Variants in NR3C2 observed in about 807,000 individuals in gnomAD.
The protein encoded by NR3C2 is nuclear receptor subfamily 3 group C member 2.
In NR3C2, 15 loss-of-function variants were observed where a neutral mutation model predicts 86.4. The observed-to-expected ratio is 0.17, with a 90% CI of 0.12 to 0.27. NR3C2 has a LOEUF of 0.27. Among genes scored for constraint, NR3C2 ranks in the 10% least tolerant of loss-of-function variants. The pLI, the probability that NR3C2 is intolerant of heterozygous loss-of-function variation, is 1.00. For synonymous variants in NR3C2, 458 were observed against 450.5 expected, an observed-to-expected ratio of 1.02 and a Z score of -0.21; for missense variants, 960 against 1,195.6, an observed-to-expected ratio of 0.80 and a Z score of 2.91.
intron 4 of NR3C2, among the ~76,000 whole-genome samples, chr4:148,160,807 C>T (rs1201875407): frequency 6.6e-6 from 1 of 152,194 alleles, no homozygotes; most frequent in Non-Finnish European, 1.5e-5. Flanking sequence ...CAACTATCTT[C>T]TTTAACAGAC....
chr4:148,435,911 T>C lies in NR3C2; in HGVS notation c.950A>G (p.Asn317Ser). 2 of 1,614,148 alleles carry C rather than the reference T, an allele frequency of 1.2e-6. No homozygotes were observed. Among genetic ancestry groups the C allele is most frequent in the South Asian group, 1.1e-5 (1 of 91,078 alleles). Reference protein sequence around the residue: ...RCSVSSPSNTNNRSTLSSPAA... With the variant: ...RCSVSSPSNTSNRSTLSSPAA... ...CGGACTGGAAAGCGTGGATCTGTTA[T>C]TAGTGTTCGAAGGGCTGGAAACAGA... The change falls in exon 2 of 9, where the codon AAT becomes AGT. Residue 317 changes from asparagine to serine, a missense_variant. Transcript: ENST00000358102.
rs11732130 is a variant in NR3C2, at chr4:148,333,903, G to A, written c.1758-73786C>T. 6.7e-3 allele frequency among the ~76,000 whole-genome samples: 1,025 copies of A among 152,202 alleles called. 5 individuals carry two copies. Among genetic ancestry groups the A allele is most frequent in the Non-Finnish European group, 0.011 (765 of 67,994 alleles). The stretch of plus-strand genomic sequence containing the variant: ...CTAGCTTTTTCTTAAAACTAGCTTG[G>A]AAAGACTGGACAAAAACCATGTTAT... On this transcript the variant is annotated intron_variant, in intron 2 of 8. Transcript: ENST00000358102.
At chr4:148,421,131 C>T (rs749937670) in intron 2 of NR3C2, among the ~76,000 whole-genome samples, 3 of 152,172 alleles carry the variant, frequency 2.0e-5, no homozygotes, top group Non-Finnish European at 4.4e-5. Flanking sequence ...TGACACTATA[C>T]TTATTAGACA....
intron 8 of NR3C2, among the ~76,000 whole-genome samples, chr4:148,087,397 T>C (rs1730864247): frequency 6.6e-6 from 1 of 152,132 alleles, no homozygotes; most frequent in African/African-American, 2.4e-5. Flanking sequence ...AAAAAACTAC[T>C]TCAAATTTCA....
At chr4:148,095,055 G>GT (rs149048881) in intron 8 of NR3C2, among the ~76,000 whole-genome samples, 2,792 of 152,314 alleles carry the variant, frequency 0.018, 96 homozygotes, top group African/African-American at 0.064. Context: ...GGAAGTTAGT[G>GT]TTTAAGGGGC....
chr4:148,147,203 C>T (rs1733910983), intron 6 of NR3C2, among the ~76,000 whole-genome samples: 1 of 152,158 alleles, frequency 6.6e-6, no homozygotes, highest in Admixed American at 6.5e-5. Context: ...TTATTATTCC[C>T]TATTTCCCAC....
chr4:148,188,001 A>G (rs1013021081), intron 4 of NR3C2, among the ~76,000 whole-genome samples: 4 of 151,868 alleles, frequency 2.6e-5, no homozygotes, highest in African/African-American at 9.7e-5. Context: ...GTTTTTGTTT[A>G]TTTGTCAAAG....
chr4:148,371,285 T>G (rs1221134720), intron 2 of NR3C2, among the ~76,000 whole-genome samples: 2 of 145,160 alleles, frequency 1.4e-5, no homozygotes, highest in East Asian at 3.9e-4. Context: ...ATTCATTCTA[T>G]TTTTTTTGTA....
chr4:148,193,413 T>C (rs987328511), intron 4 of NR3C2, among the ~76,000 whole-genome samples: 3 of 152,182 alleles, frequency 2.0e-5, no homozygotes, highest in Non-Finnish European at 4.4e-5. Context: ...GTTCTTGCAG[T>C]GGATCTGGAG....
At chr4:148,391,128 T>C (rs72658607) in intron 2 of NR3C2, among the ~76,000 whole-genome samples, 1 of 152,240 alleles carries the variant, frequency 6.6e-6, no homozygotes, top group South Asian at 2.1e-4. Context: ...TCTGCTTTTA[T>C]TTCTGAAGAC....
chr4:148,108,170 C>T (rs1244087300), intron 8 of NR3C2, among the ~76,000 whole-genome samples: 2 of 152,046 alleles, frequency 1.3e-5, no homozygotes, highest in African/African-American at 4.8e-5. Context: ...GTGGTGCAAT[C>T]TTGTCTCACT....
chr4:148,176,444 C>CA (rs1023978207), intron 4 of NR3C2, among the ~76,000 whole-genome samples: 1 of 152,094 alleles, frequency 6.6e-6, no homozygotes, highest in African/African-American at 2.4e-5. Flanking sequence ...GACAGATGTA[C>CA]AAAGGGAGCA....
At chr4:148,383,952 G>GGAA (rs374003018) in intron 2 of NR3C2, among the ~76,000 whole-genome samples, 9 of 120,202 alleles carry the variant, frequency 7.5e-5, no homozygotes, top group Non-Finnish European at 1.4e-4. Flanking sequence ...TGTCTCAGGG[G>GGAA]AAAAAAAAAA....
chr4:148,323,846 G>T (rs921385305), intron 2 of NR3C2, among the ~76,000 whole-genome samples: 1 of 146,494 alleles, frequency 6.8e-6, no homozygotes, highest in Admixed American at 6.8e-5. Flanking sequence ...CTTCTGCGTC[G>T]CTCACGCTGG....
At chr4:148,100,707 G>C (rs144688805) in intron 8 of NR3C2, among the ~76,000 whole-genome samples, 19 of 152,332 alleles carry the variant, frequency 1.2e-4, no homozygotes, top group African/African-American at 4.6e-4. Flanking sequence ...CAGCAATCCA[G>C]TTTCTGGGAA....
chr4:148,201,921 G>A (rs1047237818), intron 3 of NR3C2, among the ~76,000 whole-genome samples: 10 of 152,210 alleles, frequency 6.6e-5, no homozygotes, highest in African/African-American at 2.2e-4. Flanking sequence ...CGGTTCTCAG[G>A]GAGAGTTAGA....
chr4:148,367,872 CA>C (rs534219371), intron 2 of NR3C2, among the ~76,000 whole-genome samples: 1,283 of 122,170 alleles, frequency 0.011, 11 homozygotes, highest in African/African-American at 0.027. Context: ...TTCTCCCTTT[CA>C]AAAAAAAAAA....
chr4:148,436,041 T>C lies in NR3C2; in HGVS notation c.820A>G (p.Ser274Gly), dbSNP rs749263705. The change falls in exon 2 of 9, where the codon AGC becomes GGC. Residue 274 changes from serine to glycine, a missense_variant. Ser to Gly is a moderately conservative substitution (Grantham distance 56). This residue lies in a region of NR3C2 where 680 missense variants were observed against 719.0 expected (regional missense o/e 0.95). Transcript: ENST00000358102. ...TTTACACTGCAGTGACTTGGAGGGC[T>C]GGAAATTGAGGATTTCATGCTACTT... Reference protein sequence around the residue: ...PLSSMKSSISSPPSHCSVKSP... With the variant: ...PLSSMKSSISGPPSHCSVKSP... 1.2e-6 allele frequency: 2 copies of C among 1,614,170 alleles called. No homozygotes were observed. The highest frequency in any genetic ancestry group is 2.2e-5 in the East Asian group (1 of 44,888).
intron 4 of NR3C2, among the ~76,000 whole-genome samples, chr4:148,187,045 A>ATAT (rs1735958760): frequency 9.1e-6 from 1 of 109,794 alleles, no homozygotes; most frequent in Non-Finnish European, 2.0e-5. Context: ...TATATATATA[A>ATAT]AGAAACTGTG....
Sources: gnomAD v4.1 joint callset for allele counts (sites outside exome capture counted in the v4.1 genomes callset) on GRCh38, gnomAD v4.1.1 for gene constraint, gnomAD v4.1.1 regional missense constraint, MANE v1.5 for transcripts, NCBI Gene and HGNC (gene_info 2026-07-23, HGNC 2026-07-21) for gene names.